TENM3: variants seen among roughly 807,000 people sequenced by gnomAD.
The protein encoded by TENM3 is teneurin-3.
Under a neutral mutation model 255.1 loss-of-function variants are expected in TENM3, and 63 were observed. The observed-to-expected ratio is 0.25, with a 90% confidence interval of 0.20 to 0.30. The LOEUF is 0.30. Ranked by LOEUF, TENM3 falls within the 10% of genes least tolerant of loss-of-function variation. The probability of loss-of-function intolerance (pLI) is 1.00; values close to 1 mark genes in which losing one functional copy is unlikely to be tolerated. For synonymous variants in TENM3, 1,306 were observed against 1,322.3 expected (o/e 0.99, Z 0.27); for missense variants, 2,929 against 3,461.1 (o/e 0.85, Z 3.86).
At chr4:181,572,194 T>C in the TENM3 span, among the ~76,000 whole-genome samples, 1 of 152,176 alleles carries the variant, frequency 6.6e-6, no homozygotes, top group African/African-American at 2.4e-5. Context: ...TCGGAATGCT[T>C]GAGTAAAACT....
the TENM3 span, among the ~76,000 whole-genome samples, chr4:181,962,597 C>A: frequency 6.6e-6 from 1 of 152,288 alleles, no homozygotes; most frequent in East Asian, 1.9e-4. Flanking sequence ...AAGAGCTCGT[C>A]GTATTATCTT....
chr4:182,421,972 GT>G (rs1355581572), intron 3 of TENM3, among the ~76,000 whole-genome samples: 4 of 152,086 alleles, frequency 2.6e-5, no homozygotes, highest in Non-Finnish European at 4.4e-5. Context: ...ACATTAGGCA[GT>G]TTCCGTGCGA....
the TENM3 span, among the ~76,000 whole-genome samples, chr4:181,544,408 TAAAAA>T: frequency 0.023 from 1,589 of 68,642 alleles, 40 homozygotes; most frequent in Middle Eastern, 0.047. Context: ...CCTTCAGGAT[TAAAAA>T]AAAAAAAAAA....
the TENM3 span, among the ~76,000 whole-genome samples, chr4:181,763,909 A>G: frequency 1.3e-5 from 2 of 152,248 alleles, no homozygotes; most frequent in Non-Finnish European, 2.9e-5. Flanking sequence ...GTTGACATAC[A>G]CATTGGCAGA....
chr4:182,303,848 A>C (rs891506013), intron 1 of TENM3, among the ~76,000 whole-genome samples: 1 of 152,306 alleles, frequency 6.6e-6, no homozygotes, highest in African/African-American at 2.4e-5. Flanking sequence ...TGGCCGTAGG[A>C]TCCTCAGATT....
the TENM3 span, among the ~76,000 whole-genome samples, chr4:181,943,542 T>A: frequency 6.6e-6 from 1 of 152,182 alleles, no homozygotes; most frequent in African/African-American, 2.4e-5. Context: ...CAATTCAATA[T>A]ATATTTGAAA....
the TENM3 span, among the ~76,000 whole-genome samples, chr4:181,511,835 G>A: frequency 6.6e-5 from 10 of 152,028 alleles, no homozygotes; most frequent in Non-Finnish European, 1.2e-4. Context: ...TCCAGTCACG[G>A]AAAACATTTC....
the TENM3 span, among the ~76,000 whole-genome samples, chr4:182,077,347 G>A: frequency 6.6e-6 from 1 of 152,100 alleles, no homozygotes; most frequent in Admixed American, 6.5e-5. Flanking sequence ...TAGTGCTTTT[G>A]TCACAATATT....
At chr4:182,390,158 C>T (rs1768325702) in intron 3 of TENM3, among the ~76,000 whole-genome samples, 1 of 152,262 alleles carries the variant, frequency 6.6e-6, no homozygotes, top group Admixed American at 6.5e-5. Flanking sequence ...GGGATCTGCA[C>T]AGCCAGCTGT....
intron 3 of TENM3, among the ~76,000 whole-genome samples, chr4:182,462,259 C>T (rs927875485): frequency 3.9e-5 from 6 of 151,912 alleles, no homozygotes; most frequent in African/African-American, 7.3e-5. Context: ...AGTCTCGCTA[C>T]GTTGCCCAAG....
the TENM3 span, among the ~76,000 whole-genome samples, chr4:181,546,627 T>C: frequency 7.4e-6 from 1 of 134,358 alleles, no homozygotes. Flanking sequence ...GGCAGGAGAA[T>C]GGCGTGAACC....
At chr4:181,690,262 C>CA in the TENM3 span, among the ~76,000 whole-genome samples, 4 of 113,894 alleles carry the variant, frequency 3.5e-5, no homozygotes, top group South Asian at 1.1e-3. Context: ...ACACACACAC[C>CA]AGGATTATTT....
chr4:181,545,001 A>T, the TENM3 span, among the ~76,000 whole-genome samples: 1 of 152,234 alleles, frequency 6.6e-6, no homozygotes, highest in Non-Finnish European at 1.5e-5. Flanking sequence ...CAGATATTTG[A>T]TTGATTGCAA....
In TENM3 at chr4:182,799,686, C is replaced by G. The variant is rs991788883; in HGVS notation, c.7435C>G (p.Arg2479Gly). 1 of 1,549,090 alleles carries G rather than the reference C, an allele frequency of 6.5e-7. No homozygotes were observed. The change falls in exon 28 of 28, where the codon CGG becomes GGG. Residue 2479 changes from arginine to glycine, a missense_variant. Transcript: ENST00000511685. The surrounding 1 kb of genome is among the most constrained non-coding windows in gnomAD (Gnocchi z 4.2). ...KMAEVQVSRRRAGGAQSWLWF... is the reference protein window; with the variant it reads ...KMAEVQVSRRGAGGAQSWLWF... Reference sequence around the variant, plus strand: ...GGCCGAGGTGCAGGTGAGCCGGCGCCGGGCCGGCGGCGCGCAGTCCTGGCT... The same window carrying G: ...GGCCGAGGTGCAGGTGAGCCGGCGCGGGGCCGGCGGCGCGCAGTCCTGGCT...
At position 182,799,690 on chromosome 4, in the gene TENM3, C is replaced by T. The variant is rs1435863481; in HGVS notation, c.7439C>T (p.Ala2480Val). Residue 2480 changes from alanine to valine, a missense_variant, in exon 28 of 28, where the codon GCC becomes GTC. By Grantham distance (64) the Ala-to-Val change is moderately conservative. Transcript: ENST00000511685. This position sits in a 1 kb window ranked among gnomAD's most constrained non-coding sequence, Gnocchi z 4.2. ...GAGGTGCAGGTGAGCCGGCGCCGGG[C>T]CGGCGGCGCGCAGTCCTGGCTGTGG... is the stretch of plus-strand genomic sequence containing the variant. ...MAEVQVSRRR[A>V]GGAQSWLWFA... The T allele has an allele frequency of 6.5e-7, 1 of 1,549,202 alleles. No homozygotes were observed. The highest frequency in any genetic ancestry group is 1.2e-5 in the South Asian group (1 of 83,986).
chr4:182,778,186 A>G (rs1764853291), intron 24 of TENM3, among the ~76,000 whole-genome samples: 1 of 152,164 alleles, frequency 6.6e-6, no homozygotes, highest in South Asian at 2.1e-4. Context: ...AGTCAATTAC[A>G]AAAAATTGTC....
At chr4:181,705,051 C>A in the TENM3 span, among the ~76,000 whole-genome samples, 18 of 147,430 alleles carry the variant, frequency 1.2e-4, no homozygotes, top group African/African-American at 3.1e-4. Context: ...CAAAACAAAA[C>A]AAAAAAAAAA....
the TENM3 span, among the ~76,000 whole-genome samples, chr4:181,850,193 C>T: frequency 4.0e-5 from 6 of 151,854 alleles, no homozygotes; most frequent in East Asian, 9.7e-4. Flanking sequence ...TTTCTACTCT[C>T]CTTACTCTCA....
the TENM3 span, among the ~76,000 whole-genome samples, chr4:181,937,667 A>C: frequency 6.6e-6 from 1 of 152,320 alleles, no homozygotes; most frequent in Non-Finnish European, 1.5e-5. Flanking sequence ...ACACCCTGGC[A>C]CTACTACAAA....
Sources: allele counts gnomAD v4.1 joint callset (sites outside exome capture counted in the v4.1 genomes callset), GRCh38; gene constraint gnomAD v4.1.1; non-coding constraint Gnocchi (gnomAD v3.1); transcripts MANE v1.5; gene names NCBI Gene and HGNC (gene_info 2026-07-23, HGNC 2026-07-21).